The following TENM2 variants were observed in gnomAD, a reference collection of about 807,000 sequenced individuals.
TENM2 encodes the protein teneurin transmembrane protein 2.
TENM2 carries 52 observed loss-of-function variants against 245.2 expected under a neutral mutation model. That is an observed-to-expected ratio of 0.21 (90% CI 0.17 to 0.27). The LOEUF (loss-of-function observed/expected upper bound fraction) is 0.27. TENM2 is among the 10% of genes least tolerant of loss of function. The probability of loss-of-function intolerance (pLI) is 1.00; values close to 1 mark genes in which losing one functional copy is unlikely to be tolerated. For missense variants in TENM2, 3,046 were observed against 3,666.8 expected (o/e 0.83, Z 4.37); for synonymous variants, 1,363 against 1,438.9 (o/e 0.95, Z 1.19).
At chr5:167,305,533 T>C (rs1029001806) in intron 1 of TENM2, among the ~76,000 whole-genome samples, 1 of 152,164 alleles carries the variant, frequency 6.6e-6, no homozygotes, top group Admixed American at 6.5e-5. Flanking sequence ...CCAGGAAATA[T>C]AGAAACAATA....
intron 2 of TENM2, among the ~76,000 whole-genome samples, chr5:167,484,353 C>G (rs1767938497): frequency 6.6e-6 from 1 of 152,010 alleles, no homozygotes; most frequent in Admixed American, 6.6e-5. Flanking sequence ...TAGGGTGGAC[C>G]TTAATCTCAC....
chr5:167,795,409 G>A (rs1289214686), intron 2 of TENM2, among the ~76,000 whole-genome samples: 2 of 152,152 alleles, frequency 1.3e-5, no homozygotes, highest in Admixed American at 6.5e-5. Context: ...ATGGTGATAT[G>A]TAAAATCAGA....
At chr5:167,834,285 A>C (rs1768771575) in intron 2 of TENM2, among the ~76,000 whole-genome samples, 1 of 152,144 alleles carries the variant, frequency 6.6e-6, no homozygotes, top group African/African-American at 2.4e-5. Context: ...CCATGTATAG[A>C]TCTTACTACA....
At chr5:167,749,459 GAAACCCT>G (rs1761812599) in intron 2 of TENM2, among the ~76,000 whole-genome samples, 1 of 152,074 alleles carries the variant, frequency 6.6e-6, no homozygotes, top group African/African-American at 2.4e-5. Context: ...CCAACTTGAT[GAAACCCT>G]GCCTCTACTA....
chr5:168,220,800 G>T (rs1217091045), intron 23 of TENM2, among the ~76,000 whole-genome samples: 1 of 152,154 alleles, frequency 6.6e-6, no homozygotes, highest in Admixed American at 6.6e-5. Flanking sequence ...ACCACACAGA[G>T]GCTGTGAGGC....
intron 2 of TENM2, among the ~76,000 whole-genome samples, chr5:167,385,999 T>A (rs573054663): frequency 6.6e-6 from 1 of 151,940 alleles, no homozygotes; most frequent in East Asian, 1.9e-4. Flanking sequence ...CGTGTGCAAG[T>A]ATCTTTTTCA....
chr5:167,499,696 C>T (rs939625489), intron 2 of TENM2, among the ~76,000 whole-genome samples: 2 of 152,088 alleles, frequency 1.3e-5, no homozygotes, highest in African/African-American at 2.4e-5. Flanking sequence ...AGATGGATGT[C>T]GTGACTCTCC....
intron 2 of TENM2, among the ~76,000 whole-genome samples, chr5:167,638,814 A>G (rs1463277297): frequency 6.6e-6 from 1 of 152,210 alleles, no homozygotes; most frequent in African/African-American, 2.4e-5. Context: ...GTGAAAATCA[A>G]AAATGAGCAG....
At chr5:168,169,448 C>T (rs1333452222) in intron 13 of TENM2, among the ~76,000 whole-genome samples, 1 of 152,206 alleles carries the variant, frequency 6.6e-6, no homozygotes, top group Non-Finnish European at 1.5e-5. Flanking sequence ...ATCCAAGGCA[C>T]TCCAGCCAGG....
At chr5:167,899,072 A>G (rs1775476236) in intron 3 of TENM2, among the ~76,000 whole-genome samples, 1 of 152,172 alleles carries the variant, frequency 6.6e-6, no homozygotes, top group African/African-American at 2.4e-5. Flanking sequence ...AGACAATGAG[A>G]AACACTGAGA....
intron 2 of TENM2, among the ~76,000 whole-genome samples, chr5:167,706,971 C>T (rs188725821): frequency 8.6e-4 from 122 of 142,524 alleles, no homozygotes; most frequent in Non-Finnish European, 1.0e-3. Context: ...GCCGAGATCG[C>T]GCCACTGCAC....
intron 1 of TENM2, among the ~76,000 whole-genome samples, chr5:167,313,842 G>A (rs969361599): frequency 3.9e-5 from 6 of 152,150 alleles, no homozygotes; most frequent in African/African-American, 1.4e-4. Flanking sequence ...AAATTCTGGT[G>A]AGAGAAAACT....
chr5:167,113,444 C>A, the TENM2 span, among the ~76,000 whole-genome samples: 1 of 151,906 alleles, frequency 6.6e-6, no homozygotes, highest in African/African-American at 2.4e-5. Flanking sequence ...AATTGGAAAC[C>A]AGCCTGGGCA....
At chr5:167,857,718 G>A (rs939984379) in intron 2 of TENM2, among the ~76,000 whole-genome samples, 13 of 152,038 alleles carry the variant, frequency 8.6e-5, no homozygotes, top group African/African-American at 3.1e-4. Context: ...TAGGGGGGAG[G>A]GGAGCAGAGT....
intron 2 of TENM2, among the ~76,000 whole-genome samples, chr5:167,717,714 G>A (rs1265359708): frequency 4.6e-5 from 7 of 152,062 alleles, no homozygotes; most frequent in Non-Finnish European, 8.8e-5. Context: ...AAGCTGCATC[G>A]AGAGGCTGTG....
Position 167,767,877 on chromosome 5 carries a change from G to C in TENM2, c.503-108109G>C, listed in dbSNP as rs555761754. Among the ~76,000 whole-genome samples, 28 of 152,274 alleles carry C rather than the reference G, an allele frequency of 1.8e-4. 1 individual carries two copies. The South Asian group carries it at 5.6e-3, about 30-fold the overall frequency. On this transcript the variant is annotated intron_variant, in intron 2 of 28. Coordinates refer to ENST00000518659, the Ensembl canonical transcript of TENM2. ...CAGATGTGTTTAAGCTTGATGTCTTGGTGCATGACAAGGAGAGCTTTATTT... is the reference window on the plus strand; with the variant it reads ...CAGATGTGTTTAAGCTTGATGTCTTCGTGCATGACAAGGAGAGCTTTATTT...
the TENM2 span, among the ~76,000 whole-genome samples, chr5:167,274,892 A>G: frequency 4.8e-4 from 73 of 152,044 alleles, no homozygotes; most frequent in Admixed American, 9.8e-4. Context: ...ATATTTATAT[A>G]TTATCAGTAT....
chr5:167,340,104 T>A (rs1028818159), intron 1 of TENM2, among the ~76,000 whole-genome samples: 1 of 152,192 alleles, frequency 6.6e-6, no homozygotes, highest in Admixed American at 6.5e-5. Context: ...CACAAAACAC[T>A]GGAACACAGA....
the TENM2 span, among the ~76,000 whole-genome samples, chr5:167,012,907 G>A: frequency 2.0e-5 from 3 of 152,036 alleles, no homozygotes; most frequent in African/African-American, 7.3e-5. Context: ...GCTATCAGCA[G>A]CCTTGAGTAA....
Sources: allele counts gnomAD v4.1 joint callset (sites outside exome capture counted in the v4.1 genomes callset), GRCh38; gene constraint gnomAD v4.1.1; transcripts MANE v1.5; gene names NCBI Gene and HGNC (gene_info 2026-07-23, HGNC 2026-07-21).